The following TAB2 variants were observed in gnomAD, a reference collection of about 807,000 sequenced individuals.
The protein encoded by TAB2 is TGF-beta-activated kinase 1 and MAP3K7-binding protein 2.
Under a neutral mutation model 65.0 loss-of-function variants are expected in TAB2, and 3 were observed. That is an observed-to-expected ratio of 0.05 (90% CI 0.02 to 0.12). TAB2 has a LOEUF of 0.12. TAB2 is among the 10% of genes least tolerant of loss of function. TAB2 has a pLI of 1.00. For synonymous variants in TAB2, 298 were observed against 285.1 expected, an observed-to-expected ratio of 1.05 and a Z score of -0.46; for missense variants, 623 against 840.3, an observed-to-expected ratio of 0.74 and a Z score of 3.20.
At chr6:149,366,847 A>C (rs1330614396) in intron 1 of TAB2, among the ~76,000 whole-genome samples, 4 of 152,128 alleles carry the variant, frequency 2.6e-5, no homozygotes, top group Non-Finnish European at 4.4e-5. Flanking sequence ...ATTTCAGTGT[A>C]TGTTTTAATA....
intron 2 of TAB2, 37 bp from the exon 3 acceptor site, chr6:149,377,981 G>A: frequency 6.4e-7 from 1 of 1,554,704 alleles, no homozygotes; most frequent in Non-Finnish European, 8.9e-7. Flanking sequence ...ATTCGCTTCT[G>A]ATTGTTAACA....
chr6:149,309,977 A>G (rs1779140985), intron 1 of TAB2, among the ~76,000 whole-genome samples: 1 of 152,058 alleles, frequency 6.6e-6, no homozygotes, highest in Non-Finnish European at 1.5e-5. Flanking sequence ...ATTTCAGTTA[A>G]TAAAATATCC....
At chr6:149,286,166 A>C (rs543520455) in intron 1 of TAB2, among the ~76,000 whole-genome samples, 1 of 152,330 alleles carries the variant, frequency 6.6e-6, no homozygotes, top group African/African-American at 2.4e-5. Flanking sequence ...ACACACTGCT[A>C]TTTAATTGTT....
At chr6:149,324,826 CTTT>C (rs35922173) in intron 1 of TAB2, among the ~76,000 whole-genome samples, 4 of 132,782 alleles carry the variant, frequency 3.0e-5, no homozygotes, top group Admixed American at 7.6e-5. Context: ...GAAAATATTA[CTTT>C]TTTTTTTTTT....
chr6:149,406,960 A>AC (rs1220244013), intron 6 of TAB2, among the ~76,000 whole-genome samples: 1 of 151,936 alleles, frequency 6.6e-6, no homozygotes, highest in Non-Finnish European at 1.5e-5. Flanking sequence ...AAAGTGATCC[A>AC]CCCGTCTCGG....
chr6:149,253,903 CAGAG>C (rs931184360), intron 1 of TAB2, among the ~76,000 whole-genome samples: 3 of 142,014 alleles, frequency 2.1e-5, no homozygotes, highest in African/African-American at 7.9e-5. Flanking sequence ...GCCTGGGTGA[CAGAG>C]AGAGACTCCA....
rs1778313432 is a variant in TAB2, at chr6:149,268,963, A to T, written c.-121+50187A>T. Among the ~76,000 whole-genome samples, 4 of 151,672 alleles carry T rather than the reference A, an allele frequency of 2.6e-5. 1 individual carries two copies. The South Asian group carries it at 8.3e-4, about 31-fold the overall frequency. On this transcript the variant is annotated intron_variant, in intron 1 of 1. Coordinates refer to the TAB2 transcript ENST00000606202. Reference sequence around the variant, plus strand: ...CTAAGCATGAGTCTGGGAGCTGGAAACCCTCCAAATCTTTATCAAAGTACA... The same window carrying T: ...CTAAGCATGAGTCTGGGAGCTGGAATCCCTCCAAATCTTTATCAAAGTACA...
intron 1 of TAB2, among the ~76,000 whole-genome samples, chr6:149,358,942 T>C (rs918112924): frequency 6.6e-6 from 1 of 152,184 alleles, no homozygotes; most frequent in Non-Finnish European, 1.5e-5. Flanking sequence ...GATTGTTACA[T>C]TTTATGATGA....
At position 149,379,249 on chromosome 6, in the gene TAB2, A is replaced by T. The variant is rs776546116; in HGVS notation, c.1334A>T (p.Asn445Ile). ...CCTCCCAAAAGTCGAGCAATAGGCAATAACTCTGCAACCTCTCCTCGAGTG... is the reference window on the plus strand; with the variant it reads ...CCTCCCAAAAGTCGAGCAATAGGCATTAACTCTGCAACCTCTCCTCGAGTG... ...HHPPKSRAIG[N>I]NSATSPRVVV... The change falls in exon 3 of 7, where the codon AAT becomes ATT. Residue 445 changes from asparagine (N) to isoleucine (I), a missense_variant. Physicochemically the swap from Asn to Ile is moderately radical, Grantham distance 149. Around this residue, in one of 3 missense-constraint regions of TAB2, gnomAD observed 550 missense variants for 665.7 expected, o/e 0.83. Transcript: ENST00000637181. The T allele has an allele frequency of 3.1e-6, 5 of 1,614,228 alleles. No homozygotes were observed. The highest frequency in any genetic ancestry group is 3.4e-6 in the Non-Finnish European group (4 of 1,180,054).
intron 1 of TAB2, among the ~76,000 whole-genome samples, chr6:149,251,209 A>G (rs1777854952): frequency 6.6e-6 from 1 of 152,202 alleles, no homozygotes; most frequent in African/African-American, 2.4e-5. Context: ...AGGTCAGGCC[A>G]TCACCAGAAA....
At chr6:149,283,583 G>A (rs947960069) in intron 1 of TAB2, among the ~76,000 whole-genome samples, 19 of 152,002 alleles carry the variant, frequency 1.2e-4, no homozygotes, top group African/African-American at 1.7e-4. Context: ...GGTGGTGCAC[G>A]CCTGTAATCT....
At chr6:149,237,736 A>G (rs1777521894) in intron 1 of TAB2, among the ~76,000 whole-genome samples, 1 of 152,176 alleles carries the variant, frequency 6.6e-6, no homozygotes, top group African/African-American at 2.4e-5. Flanking sequence ...CACTTTTGAC[A>G]GCCAGTCCCC....
In TAB2 at chr6:149,378,540, C is replaced by A. The variant is rs773484017; in HGVS notation, c.625C>A (p.Gln209Lys). 81 of 1,613,978 alleles carry A rather than the reference C, an allele frequency of 5.0e-5. No homozygotes were observed. The highest frequency in any genetic ancestry group is 6.6e-5 in the Non-Finnish European group (78 of 1,180,038). Residue 209 changes from glutamine (Q) to lysine (K), a missense_variant, in exon 3 of 7, where the codon CAG becomes AAG. Gln to Lys is a moderately conservative substitution (Grantham distance 53). Around this residue, in one of 3 missense-constraint regions of TAB2, gnomAD observed 550 missense variants for 665.7 expected, o/e 0.83. Coordinates refer to ENST00000637181, the MANE Select transcript of TAB2 (RefSeq NM_001292034.3). ...GVPPPVLNSP[Q>K]GNSIYIRPYI... The stretch of plus-strand genomic sequence containing the variant: ...ACCTCCACCTGTACTTAACAGTCCA[C>A]AGGGAAATTCTATCTATATTAGGCC...
At chr6:149,397,389 C>T (rs1460287107) in intron 3 of TAB2, among the ~76,000 whole-genome samples, 1 of 151,274 alleles carries the variant, frequency 6.6e-6, no homozygotes. Flanking sequence ...TGCACTGAGC[C>T]GAGATCGCAC....
At chr6:149,248,471 A>AGAAGAAAGGAAG (rs1562387137) in intron 1 of TAB2, among the ~76,000 whole-genome samples, 1 of 114,478 alleles carries the variant, frequency 8.7e-6, no homozygotes, top group African/African-American at 3.3e-5. Flanking sequence ...AAGGAAGGAA[A>AGAAGAAAGGAAG]GAAAGAAAGA....
chr6:149,361,949 A>T (rs1312318350), intron 1 of TAB2, among the ~76,000 whole-genome samples: 2 of 152,184 alleles, frequency 1.3e-5, no homozygotes, highest in African/African-American at 4.8e-5. Flanking sequence ...TCTGGTTCCT[A>T]TAAGTTCTTG....
At chr6:149,326,196 A>G (rs144903016) in intron 1 of TAB2, among the ~76,000 whole-genome samples, 1 of 151,944 alleles carries the variant, frequency 6.6e-6, no homozygotes, top group East Asian at 1.9e-4. Flanking sequence ...AAAATAGTCT[A>G]CAACAGTTAC....
intron 1 of TAB2, among the ~76,000 whole-genome samples, chr6:149,327,810 A>G (rs1230814190): frequency 6.6e-6 from 1 of 152,222 alleles, no homozygotes; most frequent in Non-Finnish European, 1.5e-5. Flanking sequence ...TCAGAAGAAA[A>G]TTCCCACTTC....
Position 149,305,489 on chromosome 6 carries a change from C to G in TAB2, c.-120-72529C>G, listed in dbSNP as rs572226662. Among the ~76,000 whole-genome samples, 13 of 152,208 alleles carry G rather than the reference C, an allele frequency of 8.5e-5. No individual in the cohort carries two copies. In the East Asian group the frequency reaches 2.5e-3, roughly 29 times the overall value. On this transcript the variant is annotated intron_variant, in intron 1 of 1. Transcript: ENST00000606202. Reference sequence around the variant, plus strand: ...ACCATTAAACACATAAAAGCACCTCCTAATTACTTCCTTATCTCAAATGTC... The same window carrying G: ...ACCATTAAACACATAAAAGCACCTCGTAATTACTTCCTTATCTCAAATGTC...
Sources: allele counts gnomAD v4.1 joint callset (sites outside exome capture counted in the v4.1 genomes callset), GRCh38; gene constraint gnomAD v4.1.1; regional missense constraint gnomAD v4.1.1; transcripts MANE v1.5; gene names NCBI Gene and HGNC (gene_info 2026-07-23, HGNC 2026-07-21).